The following CAMK2D variants were observed in gnomAD, a reference collection of about 807,000 sequenced individuals.
The protein encoded by CAMK2D is calcium/calmodulin-dependent protein kinase type II subunit delta.
A neutral mutation model predicts 84.0 loss-of-function variants in CAMK2D; 37 were observed. The ratio of observed to expected loss-of-function variants is 0.44; its 90% confidence interval spans 0.34 to 0.58. CAMK2D has a LOEUF of 0.58. Among genes scored for constraint, CAMK2D ranks in the 20% least tolerant of loss-of-function variants. CAMK2D has a pLI of 0.02. For synonymous variants in CAMK2D, 202 were observed against 212.5 expected (o/e 0.95, Z 0.43); for missense variants, 448 against 652.5 (o/e 0.69, Z 3.41).
intron 4 of CAMK2D, among the ~76,000 whole-genome samples, chr4:113,558,817 G>C (rs1560964222): frequency 6.7e-6 from 1 of 150,190 alleles, no homozygotes; most frequent in African/African-American, 2.5e-5. Context: ...AAACAGCCTA[G>C]GTAACATAGT....
intron 2 of CAMK2D, among the ~76,000 whole-genome samples, chr4:113,722,907 G>A (rs984063067): frequency 1.3e-5 from 2 of 151,988 alleles, no homozygotes; most frequent in African/African-American, 4.8e-5. Flanking sequence ...TGAAGTAGGA[G>A]AGAGAGAGAG....
intron 17 of CAMK2D, among the ~76,000 whole-genome samples, chr4:113,462,254 G>C (rs1022986022): frequency 1.4e-5 from 2 of 146,800 alleles, no homozygotes; most frequent in African/African-American, 5.1e-5. Context: ...AAAAGAGTCA[G>C]TATATTTGGA....
chr4:113,601,683 C>CTTTTTT (rs755850795), intron 4 of CAMK2D, among the ~76,000 whole-genome samples: 2 of 45,818 alleles, frequency 4.4e-5, no homozygotes, highest in African/African-American at 1.9e-4. Flanking sequence ...ACTGTTTATT[C>CTTTTTT]TTTTTTTTTT....
intron 4 of CAMK2D, among the ~76,000 whole-genome samples, chr4:113,604,111 G>A (rs1027639377): frequency 6.6e-6 from 1 of 151,948 alleles, no homozygotes; most frequent in African/African-American, 2.4e-5. Flanking sequence ...ATATGTACAA[G>A]CACCACACTG....
At position 113,454,100 on chromosome 4, in the gene CAMK2D, AAAAC is replaced by A. The variant is rs1179868101; in HGVS notation, c.*441_*444del. ...TTTTTTTACCTTAAAAAAAAAAAAA[AAAAC>A]CAAACAAACCAAAACAGATTAACAG... On this transcript the variant is annotated 3_prime_UTR_variant, in exon 21 of 21. Coordinates refer to ENST00000511664, the MANE Select transcript of CAMK2D (RefSeq NM_001321571.2). 4 of 152,932 alleles carry A rather than the reference AAAAC, an allele frequency of 2.6e-5. No homozygotes were observed. Among genetic ancestry groups the A allele is most frequent in the African/African-American group, 9.7e-5 (4 of 41,352 alleles). The allele number at this position is 152,932 out of a possible 1,614,324, so 9.5% of individuals were successfully genotyped here.
intron 4 of CAMK2D, among the ~76,000 whole-genome samples, chr4:113,574,660 C>G (rs2098771622): frequency 6.6e-6 from 1 of 152,192 alleles, no homozygotes; most frequent in Non-Finnish European, 1.5e-5. Flanking sequence ...TATAAGGAAG[C>G]TGTGAAGCAA....
At chr4:113,648,656 T>C (rs932291614) in intron 3 of CAMK2D, among the ~76,000 whole-genome samples, 3 of 152,034 alleles carry the variant, frequency 2.0e-5, no homozygotes, top group African/African-American at 7.3e-5. Flanking sequence ...GGTGATGGAG[T>C]TGCTACAGAC....
At chr4:113,494,077 C>T (rs2097888739) in intron 16 of CAMK2D, among the ~76,000 whole-genome samples, 1 of 152,058 alleles carries the variant, frequency 6.6e-6, no homozygotes, top group Non-Finnish European at 1.5e-5. Context: ...ACTTCTTTGC[C>T]TTTGGTTTGA....
Position 113,620,680 on chromosome 4 carries a change from G to GT in CAMK2D, c.221-11475dup, listed in dbSNP as rs2099042115. Among the ~76,000 whole-genome samples the GT allele has an allele frequency of 4.0e-5, 6 of 151,898 alleles. No individual in the cohort carries two copies. In the South Asian group the frequency reaches 1.2e-3, roughly 32 times the overall value. On this transcript the variant is annotated intron_variant, in intron 3 of 20. Transcript: ENST00000511664. ...GCACCTACATGCCCAGCTAATTTTT[G>GT]TATTTTTAGTAGAGACAGGATTTCA...
intron 16 of CAMK2D, among the ~76,000 whole-genome samples, chr4:113,485,415 G>T (rs2097756844): frequency 6.6e-6 from 1 of 152,142 alleles, no homozygotes; most frequent in Non-Finnish European, 1.5e-5. Context: ...ATGTAAAAAT[G>T]ATCAGCAAAT....
intron 2 of CAMK2D, among the ~76,000 whole-genome samples, chr4:113,695,647 A>G (rs777775981): frequency 7.0e-4 from 107 of 152,012 alleles, no homozygotes; most frequent in Middle Eastern, 3.4e-3. Context: ...GAATACAACT[A>G]CTTCTCACCA....
chr4:113,469,822 G>A (rs577297722), intron 16 of CAMK2D, among the ~76,000 whole-genome samples: 1 of 152,216 alleles, frequency 6.6e-6, no homozygotes, highest in Admixed American at 6.5e-5. Flanking sequence ...AGCACCTCAA[G>A]CCAATCCATT....
chr4:113,698,687 C>G (rs186179311), intron 2 of CAMK2D, among the ~76,000 whole-genome samples: 24 of 152,222 alleles, frequency 1.6e-4, no homozygotes, highest in African/African-American at 5.3e-4. Context: ...TAATCCCATT[C>G]TCCAAAGGTG....
At chr4:113,574,535 C>A (rs1019949853) in intron 4 of CAMK2D, among the ~76,000 whole-genome samples, 3 of 152,214 alleles carry the variant, frequency 2.0e-5, no homozygotes, top group Non-Finnish European at 2.9e-5. Context: ...TTCCTCACTG[C>A]ATTTAGGCAA....
chr4:113,733,593 G>A (rs901138756), intron 2 of CAMK2D, among the ~76,000 whole-genome samples: 2 of 152,148 alleles, frequency 1.3e-5, no homozygotes, highest in Non-Finnish European at 2.9e-5. Flanking sequence ...CAATAACGTT[G>A]AAATTATCAG....
At chr4:113,757,208 G>A (rs2099630476) in intron 2 of CAMK2D, among the ~76,000 whole-genome samples, 1 of 152,080 alleles carries the variant, frequency 6.6e-6, no homozygotes, top group African/African-American at 2.4e-5. Context: ...GGATTTATAA[G>A]TTCTTTCATA....
At chr4:113,661,898 G>A (rs1326281193) in intron 2 of CAMK2D, 126 bp from the exon 3 acceptor site, 3 of 589,768 alleles carry the variant, frequency 5.1e-6, no homozygotes, top group Non-Finnish European at 9.2e-6. Flanking sequence ...TTGAAACAAT[G>A]ATAATTCAAA....
intron 3 of CAMK2D, among the ~76,000 whole-genome samples, chr4:113,654,071 C>T (rs1216812329): frequency 3.3e-5 from 5 of 151,836 alleles, no homozygotes; most frequent in Admixed American, 2.0e-4. Context: ...CCAAAGTCAC[C>T]AAAAAGAAGA....
At chr4:113,517,696 T>C (rs774878393) in intron 8 of CAMK2D, 39 bp from the exon 9 acceptor site, 2 of 913,148 alleles carry the variant, frequency 2.2e-6, no homozygotes, top group East Asian at 2.4e-5. Context: ...TTAAGTCATA[T>C]AGACAACAGT....
Sources: gnomAD v4.1 joint callset for allele counts (sites outside exome capture counted in the v4.1 genomes callset) on GRCh38, gnomAD v4.1.1 for gene constraint, MANE v1.5 for transcripts, NCBI Gene and HGNC (gene_info 2026-07-23, HGNC 2026-07-21) for gene names.